The following NEK1 variants were observed in gnomAD, a reference collection of about 807,000 sequenced individuals.
The protein encoded by NEK1 is NIMA related kinase 1, also known as serine/threonine-protein kinase Nek1.
Under a neutral mutation model 182.1 loss-of-function variants are expected in NEK1, and 137 were observed. The ratio of observed to expected loss-of-function variants is 0.75; its 90% CI spans 0.65 to 0.87. The LOEUF is 0.87. NEK1 is among the 40% of genes least tolerant of loss of function. The pLI is 0.00. For missense variants in NEK1, 1,391 were observed against 1,494.4 expected (o/e 0.93, Z 1.14); for synonymous variants, 513 against 492.2 (o/e 1.04, Z -0.56).
intron 18 of NEK1, 52 bp downstream of exon 18, chr4:169,555,668 C>T: frequency 6.2e-7 from 1 of 1,611,498 alleles, no homozygotes; most frequent in Non-Finnish European, 8.5e-7. Flanking sequence ...CTATGTATGA[C>T]AAACGACAAA....
intron 29 of NEK1, 57 bp downstream of exon 29, chr4:169,433,488 T>A: frequency 6.5e-7 from 1 of 1,527,766 alleles, no homozygotes; most frequent in South Asian, 1.3e-5. Flanking sequence ...AGTATTTTCT[T>A]AAAAGTTATT....
At position 169,570,051 on chromosome 4, in the gene NEK1, G is replaced by A. The variant is rs1368329379; in HGVS notation, c.1020+6877C>T. ...CCATCCCATCTAGGAAGTGAGGAGC[G>A]CCTCTTCCCGGCCGCCATCCCATCT... On this transcript the variant is annotated intron_variant, in intron 12 of 35. Coordinates refer to ENST00000507142, the MANE Select transcript of NEK1 (RefSeq NM_001199397.3). Among the ~76,000 whole-genome samples the A allele has an allele frequency of 6.2e-5, 9 of 146,246 alleles. No homozygotes were observed. In the South Asian group the frequency reaches 6.4e-4, roughly 10 times the overall value.
intron 26 of NEK1, among the ~76,000 whole-genome samples, chr4:169,470,225 A>G (rs1050065872): frequency 5.3e-5 from 8 of 152,096 alleles, no homozygotes; most frequent in Admixed American, 3.3e-4. Flanking sequence ...CATAGTGTCA[A>G]TGGTCTTTAC....
At chr4:169,406,177 G>T (rs1452159085) in intron 32 of NEK1, among the ~76,000 whole-genome samples, 1 of 124,626 alleles carries the variant, frequency 8.0e-6, no homozygotes, top group Non-Finnish European at 1.8e-5. Flanking sequence ...TCCTGCCTTG[G>T]CCTCCCAATG....
chr4:169,513,464 A>T (rs1561327849), intron 19 of NEK1, among the ~76,000 whole-genome samples: 1 of 152,122 alleles, frequency 6.6e-6, no homozygotes, highest in African/African-American at 2.4e-5. Flanking sequence ...TAGTTTCAGG[A>T]GTATTTTTGT....
intron 16 of NEK1, among the ~76,000 whole-genome samples, chr4:169,556,719 G>A (rs1762207361): frequency 1.4e-5 from 2 of 147,070 alleles, no homozygotes; most frequent in African/African-American, 2.5e-5. Context: ...AGTAAGTGCT[G>A]AGCAAATCCA....
At chr4:169,445,865 T>TATACACACAC (rs569539235) in intron 27 of NEK1, among the ~76,000 whole-genome samples, 2,518 of 143,150 alleles carry the variant, frequency 0.018, 37 homozygotes, top group Non-Finnish European at 0.026. Context: ...TATATATATA[T>TATACACACAC]ACACACACAC....
In NEK1 at chr4:169,484,433, A is replaced by G. The variant is rs1309599877; in HGVS notation, c.2008-4899T>C. Among the ~76,000 whole-genome samples, 4 of 152,252 alleles carry G rather than the reference A, an allele frequency of 2.6e-5. No homozygotes were observed. The South Asian group carries it at 6.2e-4, about 24-fold the overall frequency. Reference sequence around the variant, plus strand: ...AAAAATTATCAATAAATTAAAATACATATTAATACCTATTAAGGCCAAGCA... The same window carrying G: ...AAAAATTATCAATAAATTAAAATACGTATTAATACCTATTAAGGCCAAGCA... On this transcript the variant is annotated intron_variant, in intron 23 of 35. Transcript: ENST00000507142.
chr4:169,480,771 G>C (rs1747847435), intron 23 of NEK1, among the ~76,000 whole-genome samples: 1 of 152,070 alleles, frequency 6.6e-6, no homozygotes, highest in African/African-American at 2.4e-5. Flanking sequence ...ATAAAGATGA[G>C]GTCCACTATA....
At chr4:169,544,408 G>T (rs1205102468) in intron 18 of NEK1, among the ~76,000 whole-genome samples, 1 of 152,054 alleles carries the variant, frequency 6.6e-6, no homozygotes, top group Non-Finnish European at 1.5e-5. Context: ...TGTTCATCAG[G>T]GATATTGGTC....
chr4:169,589,489 G>A lies in NEK1; in HGVS notation c.422C>T (p.Thr141Ile). 1 of 1,506,722 alleles carries A rather than the reference G, an allele frequency of 6.6e-7. No homozygotes were observed. The highest frequency in any genetic ancestry group is 9.0e-7 in the Non-Finnish European group (1 of 1,114,604). 93.3% of individuals were successfully genotyped at this position (1,506,722 alleles called of 1,614,324 possible). The change falls in exon 7 of 36, where the codon ACA becomes ATA. Residue 141 changes from threonine to isoleucine, a missense_variant. Physicochemically the swap from Thr to Ile is moderately conservative, Grantham distance 89. Transcript: ENST00000507142. Reference protein sequence around the residue: ...SQNIFLTKDGTVQLGDFGIAR... With the variant: ...SQNIFLTKDGIVQLGDFGIAR... ...AATTCCAAAATCTCCAAGTTGTACT[G>A]TTCCATCTTTAGTTAAAAATATGTT... is the stretch of plus-strand genomic sequence containing the variant.
In NEK1 at chr4:169,562,216, A is replaced by G; in HGVS notation, c.1021-20T>C. The stretch of plus-strand genomic sequence containing the variant: ...ATGGGCCTGGACAAAAAGTAAAACT[A>G]CAAATTAAATAAAGATTTTGAGGCA... On this transcript the variant is annotated intron_variant, in intron 12 of 35. Transcript: ENST00000507142. 1 of 1,490,326 alleles carries G rather than the reference A, an allele frequency of 6.7e-7. No individual in the cohort carries two copies. The highest frequency in any genetic ancestry group is 9.0e-7 in the Non-Finnish European group (1 of 1,110,786). The allele number at this position is 1,490,326 out of a possible 1,614,324, so 92.3% of individuals were successfully genotyped here. A position where few individuals can be genotyped will look rare whatever the true frequency, so the allele number is the denominator to read the frequency against.
intron 23 of NEK1, among the ~76,000 whole-genome samples, chr4:169,499,261 T>C (rs1751967804): frequency 6.6e-6 from 1 of 152,238 alleles, no homozygotes; most frequent in South Asian, 2.1e-4. Context: ...TCAGGTTCTT[T>C]AAGGACTTCT....
At chr4:169,452,822 G>C (rs1328111621) in intron 27 of NEK1, among the ~76,000 whole-genome samples, 3 of 152,152 alleles carry the variant, frequency 2.0e-5, no homozygotes, top group Non-Finnish European at 4.4e-5. Context: ...AGGGCAATGA[G>C]GCAAGAGAAA....
intron 5 of NEK1, 90 bp downstream of exon 5, chr4:169,599,010 T>A: frequency 1.1e-6 from 1 of 904,026 alleles, no homozygotes. Context: ...TTGATTAGCA[T>A]TTGTAGTTAA....
chr4:169,602,981 T>C (rs1770742102), intron 2 of NEK1, among the ~76,000 whole-genome samples: 1 of 152,188 alleles, frequency 6.6e-6, no homozygotes, highest in Admixed American at 6.5e-5. Flanking sequence ...AGCATTACTT[T>C]ATTTTCTCCA....
At chr4:169,499,813 G>T (rs574852501) in intron 23 of NEK1, among the ~76,000 whole-genome samples, 5 of 152,292 alleles carry the variant, frequency 3.3e-5, no homozygotes, top group South Asian at 2.1e-4. Context: ...TGCCCCTACT[G>T]GGGGGTGCCT....
intron 35 of NEK1, among the ~76,000 whole-genome samples, chr4:169,398,177 T>C (rs963602653): frequency 6.6e-6 from 1 of 152,170 alleles, no homozygotes; most frequent in Non-Finnish European, 1.5e-5. Flanking sequence ...AATCCACAAG[T>C]ACCAGAAAAT....
chr4:169,555,915 G>A lies in NEK1; in HGVS notation c.1430+17C>T, dbSNP rs1289987713. ...CAGAAGCAAAGCATAAGCAACTTCT[G>A]CAGAACATAGCCATACCTTTCTGGA... is the stretch of plus-strand genomic sequence containing the variant. On this transcript the variant is annotated intron_variant, in intron 17 of 35. Transcript: ENST00000507142. 1 of 1,613,244 alleles carries A rather than the reference G, an allele frequency of 6.2e-7. No homozygotes were observed. The highest frequency in any genetic ancestry group is 8.5e-7 in the Non-Finnish European group (1 of 1,179,426).
Sources: allele counts gnomAD v4.1 joint callset (sites outside exome capture counted in the v4.1 genomes callset), GRCh38; gene constraint gnomAD v4.1.1; transcripts MANE v1.5; gene names NCBI Gene and HGNC (gene_info 2026-07-23, HGNC 2026-07-21).